Variants in AMN1 observed in about 807,000 individuals in gnomAD.
AMN1 encodes protein AMN1 homolog.
AMN1 carries 20 observed loss-of-function variants against 33.0 expected under a neutral mutation model. The ratio of observed to expected loss-of-function variants is 0.61; its 90% CI spans 0.43 to 0.88. AMN1 has a LOEUF of 0.88. AMN1 is among the 40% of genes least tolerant of loss of function. AMN1 has a pLI of 0.00. For synonymous variants in AMN1, 114 were observed against 111.9 expected, an observed-to-expected ratio of 1.02 and a Z score of -0.12; for missense variants, 246 against 307.4, an observed-to-expected ratio of 0.80 and a Z score of 1.49.
chr12:31,702,147 G>A, intron 2 of AMN1, 140 bp from the exon 3 acceptor site: 2 of 757,076 alleles, frequency 2.6e-6, no homozygotes, highest in East Asian at 3.0e-5. Flanking sequence ...ATATCCATGT[G>A]CAGACAGACA....
intron 2 of AMN1, among the ~76,000 whole-genome samples, chr12:31,702,833 G>A (rs931707336): frequency 3.9e-5 from 6 of 152,162 alleles, no homozygotes; most frequent in African/African-American, 7.2e-5. Context: ...CGCCTCCCGG[G>A]TTCAAGCGAT....
intron 2 of AMN1, chr12:31,708,892 T>C (rs1939353852): frequency 3.3e-6 from 1 of 307,654 alleles, no homozygotes; most frequent in South Asian, 2.8e-5. Context: ...TATTCTAAAA[T>C]GTGGGCCAGG....
chr12:31,709,705 T>TGTAGTCCCAGCTACTTGGGAG (rs1939394526), intron 1 of AMN1, among the ~76,000 whole-genome samples: 1 of 152,076 alleles, frequency 6.6e-6, no homozygotes, highest in South Asian at 2.1e-4. Context: ...GATGTGAGCC[T>TGTAGTCCCAGCTACTTGGGAG]GTAGTCCCAG....
chr12:31,699,962 G>C (rs7315065), intron 3 of AMN1, among the ~76,000 whole-genome samples: 2,064 of 152,264 alleles, frequency 0.014, 48 homozygotes, highest in African/African-American at 0.047. Flanking sequence ...TGTGAGTGTA[G>C]AGAAATGTGG....
At chr12:31,679,273 T>G (rs1245234741) in intron 6 of AMN1, among the ~76,000 whole-genome samples, 1 of 152,182 alleles carries the variant, frequency 6.6e-6, no homozygotes, top group East Asian at 1.9e-4. Context: ...ACACCTGTAA[T>G]CCCAGCACTT....
At chr12:31,688,670 G>A (rs901215621) in intron 6 of AMN1, among the ~76,000 whole-genome samples, 1 of 152,098 alleles carries the variant, frequency 6.6e-6, no homozygotes, top group Admixed American at 6.6e-5. Flanking sequence ...AATTAGCCTG[G>A]CATGGTGGCG....
intron 5 of AMN1, among the ~76,000 whole-genome samples, chr12:31,693,006 C>T (rs1938569751): frequency 6.6e-6 from 1 of 152,116 alleles, no homozygotes. Flanking sequence ...CAGAAACGAT[C>T]ATGATATTTG....
chr12:31,685,843 G>A (rs7957042), intron 6 of AMN1, among the ~76,000 whole-genome samples: 40,579 of 145,518 alleles, frequency 0.28, 6,275 homozygotes, highest in Non-Finnish European at 0.36. Flanking sequence ...ATGCTCAACC[G>A]CATTTGTTAT....
rs74085199 is a variant in AMN1, at chr12:31,721,560, A to G, written c.38+7411T>C. On this transcript the variant is annotated intron_variant, in intron 1 of 6. Coordinates refer to ENST00000281471, the MANE Select transcript of AMN1 (RefSeq NM_001113402.2). ...AAAAGGCAACCAAATGCAACTGATG[A>G]GGTCTGGGTAAAGTCTTCAGTGGGG... is the stretch of plus-strand genomic sequence containing the variant. 8.3e-3 allele frequency among the ~76,000 whole-genome samples: 1,270 copies of G among 152,288 alleles called. 17 individuals carry two copies. The highest frequency in any genetic ancestry group is 0.029 in the African/African-American group (1,198 of 41,538).
chr12:31,690,402 C>A (rs1182866114), intron 5 of AMN1, among the ~76,000 whole-genome samples: 1 of 152,188 alleles, frequency 6.6e-6, no homozygotes, highest in Non-Finnish European at 1.5e-5. Flanking sequence ...CTGTTCACCA[C>A]ATCCACACCA....
intron 1 of AMN1, among the ~76,000 whole-genome samples, chr12:31,725,932 C>A (rs1940045828): frequency 6.6e-6 from 1 of 152,140 alleles, no homozygotes. Flanking sequence ...CTCCTGACCT[C>A]AAGTGATTCA....
chr12:31,678,933 GA>G (rs1327133176), intron 6 of AMN1, among the ~76,000 whole-genome samples: 2 of 151,952 alleles, frequency 1.3e-5, no homozygotes, highest in Non-Finnish European at 2.9e-5. Flanking sequence ...AGACAAATAT[GA>G]AATAAAAAAA....
At chr12:31,729,151 G>T, upstream of AMN1, 1 of 891,986 alleles carries the variant, frequency 1.1e-6, no homozygotes. Flanking sequence ...GCGTGGCCAC[G>T]CTTCGGACTC....
At chr12:31,707,772 C>G (rs1939304011) in intron 2 of AMN1, among the ~76,000 whole-genome samples, 1 of 152,156 alleles carries the variant, frequency 6.6e-6, no homozygotes, top group South Asian at 2.1e-4. Flanking sequence ...AGAGAAGTAA[C>G]TGAGACAATG....
intron 5 of AMN1, 71 bp from the exon 6 acceptor site, chr12:31,689,189 G>T: frequency 2.0e-6 from 2 of 1,011,224 alleles, no homozygotes; most frequent in Non-Finnish European, 1.5e-6. Flanking sequence ...ACAATTTTGA[G>T]AAACATTCTG....
upstream of AMN1, chr12:31,729,045 G>A (rs891435599): frequency 1.4e-5 from 22 of 1,522,720 alleles, no homozygotes; most frequent in Admixed American, 2.0e-5. Flanking sequence ...CGGTCCCAGG[G>A]CCTCCAGAAC....
rs1314014686 is a variant in AMN1 at position 31,726,253 on chromosome 12, C to T, written c.38+2718G>A. ...CTCGGCTCACCGCAACCTCTGCCTCCCAGGTTCAAGCGATTCTCCCACCTC... is the reference window on the plus strand; with the variant it reads ...CTCGGCTCACCGCAACCTCTGCCTCTCAGGTTCAAGCGATTCTCCCACCTC... On this transcript the variant is annotated intron_variant, in intron 1 of 6. Transcript: ENST00000281471. Among the ~76,000 whole-genome samples the T allele has an allele frequency of 2.6e-5, 4 of 151,856 alleles. No homozygotes were observed. In the East Asian group the frequency reaches 7.8e-4, roughly 29 times the overall value.
chr12:31,717,793 T>C (rs1939733245), intron 1 of AMN1, among the ~76,000 whole-genome samples: 1 of 152,134 alleles, frequency 6.6e-6, no homozygotes, highest in Non-Finnish European at 1.5e-5. Context: ...CATGGTGGTT[T>C]GCTGCCCCTA....
chr12:31,719,420 G>GT (rs1351910517), intron 1 of AMN1: 2 of 526,454 alleles, frequency 3.8e-6, no homozygotes, highest in African/African-American at 4.1e-5. Context: ...TAGACATTTT[G>GT]TTAGGGAAGT....
Sources: gnomAD v4.1 joint callset for allele counts (sites outside exome capture counted in the v4.1 genomes callset) on GRCh38, gnomAD v4.1.1 for gene constraint, MANE v1.5 for transcripts, NCBI Gene and HGNC (gene_info 2026-07-23, HGNC 2026-07-21) for gene names.